Variants in CLYBL observed in about 807,000 individuals in gnomAD.
The protein encoded by CLYBL is citramalyl-CoA lyase.
A neutral mutation model predicts 38.9 loss-of-function variants in CLYBL; 31 were observed. The observed-to-expected ratio is 0.80, with a 90% CI of 0.60 to 1.08. The LOEUF is 1.08. Ranked by LOEUF, CLYBL falls within the 50% of genes least tolerant of loss-of-function variation. CLYBL has a pLI of 0.00. For synonymous variants in CLYBL, 171 were observed against 158.6 expected, an observed-to-expected ratio of 1.08 and a Z score of -0.59; for missense variants, 434 against 411.6, an observed-to-expected ratio of 1.05 and a Z score of -0.47.
chr13:99,904,070 A>T (rs1160497361), intron 8 of CLYBL, among the ~76,000 whole-genome samples: 2 of 151,836 alleles, frequency 1.3e-5, no homozygotes, highest in Non-Finnish European at 2.9e-5. Flanking sequence ...AAACAAAAAA[A>T]CCCCACACCT....
chr13:99,879,680 T>A (rs1219692019), intron 7 of CLYBL, among the ~76,000 whole-genome samples: 1 of 152,240 alleles, frequency 6.6e-6, no homozygotes, highest in East Asian at 1.9e-4. Flanking sequence ...GGCATGAGCC[T>A]GTTTCTATTC....
At chr13:99,682,739 A>C (rs913434026) in intron 1 of CLYBL, among the ~76,000 whole-genome samples, 1 of 149,424 alleles carries the variant, frequency 6.7e-6, no homozygotes, top group Non-Finnish European at 1.5e-5. Context: ...TTACTATAAC[A>C]TTTTTTTTTT....
In CLYBL at chr13:99,772,971, A is replaced by G; in HGVS notation, c.210A>G (p.Ala70=). 6.2e-7 allele frequency: 1 copy of G among 1,612,254 alleles called. No homozygotes were observed. Among genetic ancestry groups the G allele is most frequent in the Non-Finnish European group, 8.5e-7 (1 of 1,179,656 alleles). ...TTCCATCCCTGAATGTAGATTGTGC[A>G]GTGCTCGACTGTGAGGATGGAGTGG... ...KKIPSLNVDC[A]VLDCEDGVAA... Residue 70 remains alanine, a synonymous_variant, in exon 2 of 9, where the codon GCA becomes GCG. Transcript: ENST00000339105.
intron 1 of CLYBL, among the ~76,000 whole-genome samples, chr13:99,643,927 C>A (rs976260520): frequency 8.0e-5 from 12 of 149,332 alleles, no homozygotes; most frequent in Non-Finnish European, 1.6e-4. Flanking sequence ...ATCGCTTGAA[C>A]CCAGGAGGCG....
rs562018015 is a variant in CLYBL, at chr13:99,869,138, G to C, written c.803-1800G>C. The stretch of plus-strand genomic sequence containing the variant: ...ACAAAAGAGAACTTCACATATGAAC[G>C]TTCACACATTTCTAAAACCTAACAT... On this transcript the variant is annotated intron_variant, in intron 6 of 8. Transcript: ENST00000339105. The surrounding 1 kb of genome is among the most constrained non-coding windows in gnomAD (Gnocchi z 4.3). Among the ~76,000 whole-genome samples, 171 of 152,210 alleles carry C rather than the reference G, an allele frequency of 1.1e-3. 2 individuals carry two copies. In the South Asian group the frequency reaches 0.034, roughly 31 times the overall value.
chr13:99,778,417 A>G (rs1303531121), intron 2 of CLYBL, among the ~76,000 whole-genome samples: 1 of 152,290 alleles, frequency 6.6e-6, no homozygotes, highest in Admixed American at 6.5e-5. Context: ...CATTATTAAA[A>G]TGTCACTTCA....
chr13:99,741,471 A>G (rs1265529153), intron 1 of CLYBL, among the ~76,000 whole-genome samples: 2 of 152,188 alleles, frequency 1.3e-5, no homozygotes, highest in African/African-American at 4.8e-5. Flanking sequence ...GGATACTTGA[A>G]GGCTGACTGC....
In CLYBL at chr13:99,871,990, CAAAA is replaced by C. The variant is rs113487766; in HGVS notation, c.927+941_927+944del. Among the ~76,000 whole-genome samples, 93 of 119,408 alleles carry C rather than the reference CAAAA, an allele frequency of 7.8e-4. No individual in the cohort carries two copies. The East Asian group carries it at 0.012, about 16-fold the overall frequency. The allele number at this position is 119,408 out of a possible 152,430, so 78.3% of individuals were successfully genotyped here. On this transcript the variant is annotated intron_variant, in intron 7 of 8. Transcript: ENST00000339105. ...TCTGAATATTAAACATTCCCCCCTG[CAAAA>C]AAAAAAAAAAAAGAAAAAGAAAAAC... is the stretch of plus-strand genomic sequence containing the variant.
rs1187944480 is a variant in CLYBL at position 99,866,299 on chromosome 13, A to G, written c.694A>G (p.Ile232Val). The G allele has an allele frequency of 6.8e-6, 11 of 1,614,020 alleles. No homozygotes were observed. The highest frequency in any genetic ancestry group is 9.3e-6 in the Non-Finnish European group (11 of 1,180,022). ...CTACGCCCGGCAAAAGATTGTTGTC[A>G]TAGCGAAAGCCTTTGGTCTCCAAGC... is the stretch of plus-strand genomic sequence containing the variant. ...ILYARQKIVV[I>V]AKAFGLQAID... is the part of the protein sequence containing the mutation. Residue 232 changes from isoleucine to valine, a missense_variant, in exon 6 of 9, where the codon ATA becomes GTA. Coordinates refer to ENST00000339105, the MANE Select transcript of CLYBL (RefSeq NM_206808.5).
At chr13:99,814,068 T>C (rs2050394185) in intron 2 of CLYBL, among the ~76,000 whole-genome samples, 1 of 152,230 alleles carries the variant, frequency 6.6e-6, no homozygotes. Context: ...CACTCACAAG[T>C]GGCCCAACAA....
intron 1 of CLYBL, among the ~76,000 whole-genome samples, chr13:99,692,882 TC>T (rs2047928445): frequency 6.6e-6 from 1 of 152,184 alleles, no homozygotes; most frequent in South Asian, 2.1e-4. Context: ...TCAAGGTTTG[TC>T]CATGTTGTAG....
intron 1 of CLYBL, among the ~76,000 whole-genome samples, chr13:99,634,080 A>G (rs962516885): frequency 1.6e-4 from 24 of 152,210 alleles, no homozygotes; most frequent in Non-Finnish European, 3.4e-4. Context: ...CATGAGAGCC[A>G]CATTGCTGAA....
chr13:99,701,607 G>C (rs1052517095), intron 1 of CLYBL, among the ~76,000 whole-genome samples: 5 of 151,848 alleles, frequency 3.3e-5, no homozygotes, highest in African/African-American at 9.7e-5. Flanking sequence ...CACCGCGCCC[G>C]GCCTGAGGAT....
chr13:99,866,276 A>C lies in CLYBL; in HGVS notation c.671A>C (p.Tyr224Ser), dbSNP rs779992460. Residue 224 changes from tyrosine (Y) to serine (S), a missense_variant, in exon 6 of 9, where the codon TAC (tyrosine) becomes TCC (serine). Tyr to Ser is a moderately radical substitution (Grantham distance 144). Coordinates refer to ENST00000339105, the MANE Select transcript of CLYBL (RefSeq NM_206808.5). ...AGTAAAGAAACCCTGGATATTCTCT[A>C]CGCCCGGCAAAAGATTGTTGTCATA... ...TSSKETLDILYARQKIVVIAK... is the reference protein window; with the variant it reads ...TSSKETLDILSARQKIVVIAK... 3.7e-6 allele frequency: 6 copies of C among 1,614,000 alleles called. No individual in the cohort carries two copies. Among genetic ancestry groups the C allele is most frequent in the Non-Finnish European group, 4.2e-6 (5 of 1,180,012 alleles).
chr13:99,745,470 AT>A (rs1254152076), intron 1 of CLYBL, among the ~76,000 whole-genome samples: 1 of 152,192 alleles, frequency 6.6e-6, no homozygotes, highest in Non-Finnish European at 1.5e-5. Context: ...AGAAAAAAAA[AT>A]ATTAAGCTCC....
chr13:99,896,565 G>A (rs2052582398), downstream of CLYBL: 1 of 152,212 alleles, frequency 6.6e-6, no homozygotes, highest in South Asian at 2.1e-4. Context: ...TGGTCTCCTT[G>A]ACCGAAGCCC....
At chr13:99,660,539 C>G (rs557405362) in intron 1 of CLYBL, among the ~76,000 whole-genome samples, 1 of 152,162 alleles carries the variant, frequency 6.6e-6, no homozygotes, top group African/African-American at 2.4e-5. Context: ...GTTTATACTC[C>G]TGTGTTCTCA....
intron 1 of CLYBL, among the ~76,000 whole-genome samples, chr13:99,709,534 A>C (rs1361474144): frequency 6.6e-6 from 1 of 152,306 alleles, no homozygotes; most frequent in South Asian, 2.1e-4. Flanking sequence ...ACAAAATAGC[A>C]TACAAAAAAG....
chr13:99,846,276 T>C (rs1327294974), intron 2 of CLYBL, among the ~76,000 whole-genome samples: 1 of 149,806 alleles, frequency 6.7e-6, no homozygotes, highest in South Asian at 2.1e-4. Context: ...TTACCAAATA[T>C]TGTGTGGAGA....
Sources: gnomAD v4.1 joint callset for allele counts (sites outside exome capture counted in the v4.1 genomes callset) on GRCh38, gnomAD v4.1.1 for gene constraint, Gnocchi (gnomAD v3.1) non-coding constraint, MANE v1.5 for transcripts, NCBI Gene and HGNC (gene_info 2026-07-23, HGNC 2026-07-21) for gene names.